The following LMO1 variants were observed in gnomAD, a reference collection of about 807,000 sequenced individuals.
LMO1 encodes the protein LIM domain only 1, also known as rhombotin-1.
A neutral mutation model predicts 18.0 loss-of-function variants in LMO1; 10 were observed. The observed-to-expected ratio is 0.55, with a 90% CI of 0.34 to 0.94. LMO1 has a LOEUF of 0.94. LMO1 is among the 40% of genes least tolerant of loss of function. The probability of loss-of-function intolerance (pLI) is 0.02; values close to 1 mark genes in which losing one functional copy is unlikely to be tolerated. For synonymous variants in LMO1, 77 were observed against 77.9 expected (o/e 0.99, Z 0.06); for missense variants, 183 against 205.7 (o/e 0.89, Z 0.68).
intron 1 of LMO1, among the ~76,000 whole-genome samples, chr11:8,257,144 GT>G (rs1172238661): frequency 6.6e-6 from 1 of 152,196 alleles, no homozygotes; most frequent in African/African-American, 2.4e-5. Flanking sequence ...TGAACTCAGA[GT>G]TGGGAACAGA....
At chr11:8,266,164 C>A (rs1219762072), upstream of LMO1, among the ~76,000 whole-genome samples, 1 of 152,296 alleles carries the variant, frequency 6.6e-6, no homozygotes, top group East Asian at 1.9e-4. Context: ...TCTTTCTGCA[C>A]CCCCAGCTGT....
At chr11:8,237,098 G>A (rs1357063986) in intron 1 of LMO1, among the ~76,000 whole-genome samples, 1 of 151,864 alleles carries the variant, frequency 6.6e-6, no homozygotes, top group Non-Finnish European at 1.5e-5. Context: ...CACGTGCAAC[G>A]TCAGACATTA....
intron 1 of LMO1, among the ~76,000 whole-genome samples, chr11:8,254,097 T>C (rs542154483): frequency 1.3e-5 from 2 of 152,248 alleles, no homozygotes; most frequent in East Asian, 1.9e-4. Flanking sequence ...AGGAAAATTA[T>C]ACTGTGAGAG....
chr11:8,265,784 C>T (rs1847255046), upstream of LMO1, among the ~76,000 whole-genome samples: 1 of 152,152 alleles, frequency 6.6e-6, no homozygotes, highest in Non-Finnish European at 1.5e-5. Context: ...TGGCAAGGGG[C>T]AACTTCTTGC....
intron 1 of LMO1, among the ~76,000 whole-genome samples, chr11:8,230,848 C>T (rs1414770551): frequency 2.0e-5 from 3 of 152,194 alleles, no homozygotes; most frequent in Non-Finnish European, 4.4e-5. Flanking sequence ...GCCTGAAGCT[C>T]GTCTTGTGAA....
intron 1 of LMO1, among the ~76,000 whole-genome samples, chr11:8,261,400 C>G (rs1847184116): frequency 6.6e-6 from 1 of 152,188 alleles, no homozygotes; most frequent in Non-Finnish European, 1.5e-5. Context: ...CAAGGCTCAT[C>G]TGAAACCCTT....
In LMO1 at chr11:8,224,560, G is replaced by T; in HGVS notation, c.*56C>A. 8.9e-7 allele frequency: 1 copy of T among 1,128,980 alleles called. No individual in the cohort carries two copies. Among genetic ancestry groups the T allele is most frequent in the Non-Finnish European group, 1.3e-6 (1 of 769,272 alleles). 69.9% of individuals were successfully genotyped at this position (1,128,980 alleles called of 1,614,324 possible). On this transcript the variant is annotated 3_prime_UTR_variant, in exon 4 of 4. Transcript: ENST00000335790. ...GGTAGAGTGGCTGGCTGGCCGGCCA[G>T]GCAGGTGGGCAGGCGGGCAGATGGA...
At chr11:8,265,551 T>C (rs1465639341), upstream of LMO1, among the ~76,000 whole-genome samples, 1 of 152,194 alleles carries the variant, frequency 6.6e-6, no homozygotes, top group Non-Finnish European at 1.5e-5. Flanking sequence ...TACTTAATCC[T>C]AATAGTCCTT....
upstream of LMO1, among the ~76,000 whole-genome samples, chr11:8,267,540 G>C (rs11041838): frequency 0.15 from 22,796 of 152,176 alleles, 1,846 homozygotes; most frequent in Non-Finnish European, 0.19. Context: ...AGAGCTGTGA[G>C]TTCTTCCAAG....
At chr11:8,241,853 A>AG (rs1301504749) in intron 1 of LMO1, among the ~76,000 whole-genome samples, 3 of 152,114 alleles carry the variant, frequency 2.0e-5, no homozygotes, top group Non-Finnish European at 4.4e-5. Context: ...AGCCCCATGA[A>AG]GGCTGTTCTT....
In LMO1 at chr11:8,227,086, G is replaced by A. The variant is rs1000755142; in HGVS notation, c.254C>T (p.Thr85Ile). The A allele has an allele frequency of 2.5e-6, 4 of 1,613,494 alleles. No homozygotes were observed. In the Admixed American group the frequency reaches 5.0e-5, roughly 20 times the overall value. Residue 85 changes from threonine (T) to isoleucine (I), a missense_variant, in exon 3 of 4, where the codon ACA (threonine) becomes ATA (isoleucine). By Grantham distance (89) the Thr-to-Ile change is moderately conservative. Coordinates refer to ENST00000335790, the MANE Select transcript of LMO1 (RefSeq NM_002315.3). ...CTTGCTGCAAGCAGCACAGTTCCCT[G>A]TGGTGCCAAAGAGCCTGCCGAGGGA... ...RRDYLRLFGTTGNCAACSKLI... is the reference protein window; with the variant it reads ...RRDYLRLFGTIGNCAACSKLI...
At chr11:8,227,621 T>C (rs1485676913) in intron 2 of LMO1, among the ~76,000 whole-genome samples, 1 of 152,252 alleles carries the variant, frequency 6.6e-6, no homozygotes, top group Non-Finnish European at 1.5e-5. Context: ...GTGTTCACTA[T>C]GTGTCAGCCA....
chr11:8,229,867 G>C (rs763818682), intron 2 of LMO1, among the ~76,000 whole-genome samples: 36 of 152,186 alleles, frequency 2.4e-4, no homozygotes, highest in Non-Finnish European at 4.1e-4. Flanking sequence ...GACACTGGGA[G>C]ATGGAAAGAG....
chr11:8,268,771 A>G (rs923360683), upstream of LMO1: 1 of 198,292 alleles, frequency 5.0e-6, no homozygotes, highest in Non-Finnish European at 1.0e-5. Context: ...CGCCGGCCGT[A>G]CTCGCCTCAG....
intron 1 of LMO1, among the ~76,000 whole-genome samples, chr11:8,238,124 G>A (rs542674235): frequency 5.3e-5 from 8 of 152,216 alleles, no homozygotes; most frequent in East Asian, 1.9e-4. Flanking sequence ...GTTCATAGAC[G>A]TTTTCTTCTT....
intron 1 of LMO1, among the ~76,000 whole-genome samples, chr11:8,254,190 A>G (rs967485536): frequency 2.7e-4 from 41 of 152,218 alleles, no homozygotes; most frequent in African/African-American, 8.4e-4. Flanking sequence ...AAACAGAATA[A>G]CACAAAAGAA....
chr11:8,254,006 T>C (rs941836431), intron 1 of LMO1, among the ~76,000 whole-genome samples: 22 of 152,092 alleles, frequency 1.4e-4, no homozygotes, highest in African/African-American at 4.6e-4. Flanking sequence ...CAGACAAAGA[T>C]GTCATTTCAA....
rs186748537 is a variant in LMO1 at position 8,233,421 on chromosome 11, C to A, written c.26-2917G>T. 1.0e-3 allele frequency among the ~76,000 whole-genome samples: 154 copies of A among 152,340 alleles called. No homozygotes were observed. The Middle Eastern group carries it at 0.027, about 27-fold the overall frequency. ...TCTCTCTGGGCCTAACTTCCTTCAT[C>A]TGCCCATAAGAAAAACGGAAGCAAT... On this transcript the variant is annotated intron_variant, in intron 1 of 3. Coordinates refer to ENST00000335790, the MANE Select transcript of LMO1 (RefSeq NM_002315.3).
chr11:8,260,143 C>A (rs1847161920), intron 1 of LMO1, among the ~76,000 whole-genome samples: 1 of 152,154 alleles, frequency 6.6e-6, no homozygotes, highest in African/African-American at 2.4e-5. Context: ...TGTTCTTGGG[C>A]CCTCTCAGAC....
Sources: gnomAD v4.1 joint callset for allele counts (sites outside exome capture counted in the v4.1 genomes callset) on GRCh38, gnomAD v4.1.1 for gene constraint, MANE v1.5 for transcripts, NCBI Gene and HGNC (gene_info 2026-07-23, HGNC 2026-07-21) for gene names.